Variants in EFNA5 observed in about 807,000 individuals in gnomAD.
EFNA5 encodes the protein ephrin-A5.
A neutral mutation model predicts 22.9 loss-of-function variants in EFNA5; 5 were observed. The ratio of observed to expected loss-of-function variants is 0.22; its 90% confidence interval spans 0.11 to 0.46. EFNA5 has a LOEUF of 0.46. Among genes scored for constraint, EFNA5 ranks in the 20% least tolerant of loss-of-function variants. The pLI, the probability that EFNA5 is intolerant of heterozygous loss-of-function variation, is 0.99. For synonymous variants in EFNA5, 113 were observed against 112.2 expected (o/e 1.01, Z -0.04); for missense variants, 237 against 293.3 (o/e 0.81, Z 1.40).
At chr5:107,394,100 A>G (rs1215293356) in intron 2 of EFNA5, among the ~76,000 whole-genome samples, 2 of 152,242 alleles carry the variant, frequency 1.3e-5, no homozygotes, top group Non-Finnish European at 2.9e-5. Flanking sequence ...CATATAAAGA[A>G]CAAAATCATG....
At chr5:107,398,723 T>C (rs1416753130) in intron 2 of EFNA5, among the ~76,000 whole-genome samples, 1 of 151,254 alleles carries the variant, frequency 6.6e-6, no homozygotes, top group Admixed American at 6.6e-5. Context: ...GGTGTGGTGA[T>C]GTGTACCTAT....
intron 1 of EFNA5, among the ~76,000 whole-genome samples, chr5:107,620,770 A>C (rs1253936799): frequency 6.6e-6 from 1 of 152,204 alleles, no homozygotes; most frequent in Non-Finnish European, 1.5e-5. Flanking sequence ...TTACAGGCTA[A>C]AGGAAAAAAA....
chr5:107,591,960 T>TATATATATTATATATA (rs1749359222), intron 1 of EFNA5, among the ~76,000 whole-genome samples: 2 of 11,900 alleles, frequency 1.7e-4, no homozygotes, highest in Admixed American at 1.3e-3. Flanking sequence ...TAATATATAA[T>TATATATATTATATATA]ATATATAATA....
At chr5:107,435,039 T>A (rs1749070054) in intron 1 of EFNA5, among the ~76,000 whole-genome samples, 1 of 152,216 alleles carries the variant, frequency 6.6e-6, no homozygotes, top group African/African-American at 2.4e-5. Flanking sequence ...TGAATATATC[T>A]TGGGAGCACT....
intron 1 of EFNA5, among the ~76,000 whole-genome samples, chr5:107,462,685 C>T (rs969514791): frequency 1.3e-5 from 2 of 152,156 alleles, no homozygotes; most frequent in African/African-American, 4.8e-5. Context: ...TAAAGCTGCA[C>T]CCTGCTATGT....
At chr5:107,424,171 G>GCTA (rs957526694) in intron 2 of EFNA5, among the ~76,000 whole-genome samples, 3 of 148,638 alleles carry the variant, frequency 2.0e-5, no homozygotes, top group African/African-American at 7.5e-5. Context: ...TGGCCAAAAA[G>GCTA]CTATAGCTTT....
intron 1 of EFNA5, among the ~76,000 whole-genome samples, chr5:107,431,061 ACC>A (rs896241445): frequency 6.6e-6 from 1 of 152,182 alleles, no homozygotes; most frequent in Non-Finnish European, 1.5e-5. Context: ...GGCGTGAGCC[ACC>A]GCGCCCGGCC....
At chr5:107,397,831 C>T (rs1161855140) in intron 2 of EFNA5, among the ~76,000 whole-genome samples, 1 of 152,136 alleles carries the variant, frequency 6.6e-6, no homozygotes, top group Admixed American at 6.5e-5. Flanking sequence ...ACTCAAAATG[C>T]TTTCCATGAT....
Position 107,603,347 on chromosome 5 carries a change from T to C in EFNA5, c.125+67142A>G, listed in dbSNP as rs114679509. On this transcript the variant is annotated intron_variant, in intron 1 of 4. Transcript: ENST00000333274. ...ACTGTAGTTTCTCAAGGAAATATCA[T>C]GGCAATTTTTATCCCTCACTTTCAT... Among the ~76,000 whole-genome samples, 1,082 of 152,312 alleles carry C rather than the reference T, an allele frequency of 7.1e-3. 14 individuals carry two copies. Among genetic ancestry groups the C allele is most frequent in the African/African-American group, 0.025 (1,053 of 41,560 alleles).
At chr5:107,475,546 T>G (rs889190447) in intron 1 of EFNA5, among the ~76,000 whole-genome samples, 1 of 152,128 alleles carries the variant, frequency 6.6e-6, no homozygotes, top group Non-Finnish European at 1.5e-5. Flanking sequence ...TGTCAAGAGA[T>G]TCTAAGGCTT....
intron 1 of EFNA5, among the ~76,000 whole-genome samples, chr5:107,559,034 A>G (rs1748478270): frequency 6.6e-6 from 1 of 152,220 alleles, no homozygotes; most frequent in Non-Finnish European, 1.5e-5. Flanking sequence ...CGCTTAGATG[A>G]CAGAATGGCA....
chr5:107,480,974 T>C (rs917348253), intron 1 of EFNA5, among the ~76,000 whole-genome samples: 2 of 152,150 alleles, frequency 1.3e-5, no homozygotes, highest in African/African-American at 4.8e-5. Context: ...ATAGATGTGG[T>C]CACTGACTTG....
intron 1 of EFNA5, among the ~76,000 whole-genome samples, chr5:107,653,459 G>A (rs780547053): frequency 2.0e-5 from 3 of 152,236 alleles, no homozygotes; most frequent in Non-Finnish European, 2.9e-5. Context: ...ACTTGAGCCC[G>A]CTCTGGAGTG....
intron 1 of EFNA5, among the ~76,000 whole-genome samples, chr5:107,455,138 C>A (rs1749663572): frequency 6.6e-6 from 1 of 152,186 alleles, no homozygotes; most frequent in Non-Finnish European, 1.5e-5. Flanking sequence ...CCTTACACAT[C>A]TGGTCCCTGT....
At chr5:107,445,902 C>T (rs1304596671) in intron 1 of EFNA5, among the ~76,000 whole-genome samples, 4 of 152,174 alleles carry the variant, frequency 2.6e-5, no homozygotes, top group Non-Finnish European at 5.9e-5. Flanking sequence ...GATGTTTCAA[C>T]TTTATCTTCA....
chr5:107,446,100 G>T (rs931586773), intron 1 of EFNA5, among the ~76,000 whole-genome samples: 1 of 152,068 alleles, frequency 6.6e-6, no homozygotes, highest in Non-Finnish European at 1.5e-5. Flanking sequence ...CACATCTCAG[G>T]TTCCTCACCT....
chr5:107,647,038 CT>C (rs1291601430), intron 1 of EFNA5, among the ~76,000 whole-genome samples: 22 of 152,004 alleles, frequency 1.4e-4, no homozygotes, highest in African/African-American at 5.1e-4. Context: ...CATAAAGCCC[CT>C]ATAATGCAAA....
At chr5:107,650,178 G>C (rs747433116) in intron 1 of EFNA5, among the ~76,000 whole-genome samples, 1 of 152,102 alleles carries the variant, frequency 6.6e-6, no homozygotes, top group Non-Finnish European at 1.5e-5. Context: ...CACTGCAGAG[G>C]TACAAACAGC....
intron 1 of EFNA5, among the ~76,000 whole-genome samples, chr5:107,650,804 T>C (rs1750713618): frequency 6.6e-6 from 1 of 152,158 alleles, no homozygotes; most frequent in South Asian, 2.1e-4. Flanking sequence ...CAAGCTTACC[T>C]GCATGCAGGC....
Sources: gnomAD v4.1 joint callset for allele counts (sites outside exome capture counted in the v4.1 genomes callset) on GRCh38, gnomAD v4.1.1 for gene constraint, MANE v1.5 for transcripts, NCBI Gene and HGNC (gene_info 2026-07-23, HGNC 2026-07-21) for gene names.